NADK: variants seen among roughly 807,000 people sequenced by gnomAD.
NADK encodes poly(P)/ATP NAD kinase.
In NADK, 22 loss-of-function variants were observed where a neutral mutation model predicts 49.8. The observed-to-expected ratio is 0.44, with a 90% CI of 0.32 to 0.63. The LOEUF is 0.63. NADK is among the 30% of genes least tolerant of loss of function. NADK has a pLI of 0.06. For synonymous variants in NADK, 268 were observed against 253.7 expected (o/e 1.06, Z -0.54); for missense variants, 438 against 609.4 (o/e 0.72, Z 2.96).
rs186911121 is a variant in NADK, at chr1:1,754,963, G to A, written c.689-265C>T. On this transcript the variant is annotated intron_variant, in intron 7 of 11. Transcript: ENST00000341426. This position sits in a 1 kb window ranked among gnomAD's most constrained non-coding sequence, Gnocchi z 4.3. ...CAGCCTCCCAAGTAGCTGGAACTAC[G>A]GGTGCGCACCACCACGCCCAGCTAA... 2.8e-3 allele frequency: 1,277 copies of A among 457,060 alleles called. 11 individuals carry two copies. Among genetic ancestry groups the A allele is most frequent in the African/African-American group, 0.022 (1,108 of 49,646 alleles). The allele number at this position is 457,060 out of a possible 1,614,324, so 28.3% of individuals were successfully genotyped here.
chr1:1,758,797 G>C (rs899573016), intron 3 of NADK, among the ~76,000 whole-genome samples: 1 of 152,174 alleles, frequency 6.6e-6, no homozygotes, highest in Non-Finnish European at 1.5e-5. Context: ...TAACTGAGCC[G>C]GGTGGGACCA....
chr1:1,774,921 G>C (rs1646167449), intron 1 of NADK, among the ~76,000 whole-genome samples: 1 of 151,892 alleles, frequency 6.6e-6, no homozygotes, highest in East Asian at 1.9e-4. Flanking sequence ...GCCTGGCCAA[G>C]ATGGTGAAAC....
chr1:1,759,858 G>GCA, intron 3 of NADK: 1 of 1,550,800 alleles, frequency 6.4e-7, no homozygotes, highest in Non-Finnish European at 8.7e-7. Context: ...GTGACTGACG[G>GCA]CTGGTGAAGG....
intron 1 of NADK, among the ~76,000 whole-genome samples, chr1:1,766,847 TCCTCCCAACTCAG>T (rs1267416154): frequency 6.6e-6 from 1 of 151,736 alleles, no homozygotes; most frequent in African/African-American, 2.4e-5. Context: ...CCTCAAGTGA[TCCTCCCAACTCAG>T]CCTCCCAACA....
chr1:1,769,734 A>T (rs1431919216), intron 1 of NADK, among the ~76,000 whole-genome samples: 1 of 140,106 alleles, frequency 7.1e-6, no homozygotes, highest in South Asian at 2.2e-4. Flanking sequence ...TCTCAAATGA[A>T]AAGAAAAAAA....
At chr1:1,770,072 A>G (rs1192990510) in intron 1 of NADK, among the ~76,000 whole-genome samples, 1 of 152,044 alleles carries the variant, frequency 6.6e-6, no homozygotes, top group Non-Finnish European at 1.5e-5. Flanking sequence ...GAGGCTGAGG[A>G]AGGAGAACAG....
rs745822244 is a variant in NADK, at chr1:1,753,579, C to T, written c.1172G>A (p.Arg391His). 5.0e-6 allele frequency: 8 copies of T among 1,612,492 alleles called. No individual in the cohort carries two copies. Among genetic ancestry groups the T allele is most frequent in the African/African-American group, 4.0e-5 (3 of 75,032 alleles). Residue 391 changes from arginine to histidine, a missense_variant, in exon 11 of 12, where the codon CGC becomes CAC. By Grantham distance (29) the Arg-to-His change is conservative (BLOSUM62 0). Coordinates refer to ENST00000341426, the MANE Select transcript of NADK (RefSeq NM_023018.5). ...SFDGRKRQEIRHGDSISITTS... is the reference protein window; with the variant it reads ...SFDGRKRQEIHHGDSISITTS... ...ATGCAGCCCACACCTGTCTCCATGG[C>T]GGATCTCTTGTCTCTTCCGTCCATC...
intron 2 of NADK, among the ~76,000 whole-genome samples, chr1:1,763,617 T>C (rs1465753992): frequency 8.9e-5 from 3 of 33,730 alleles, no homozygotes; most frequent in Non-Finnish European, 2.7e-4. Flanking sequence ...AGACTCCATC[T>C]CAAAAAAAAA....
At chr1:1,770,619 C>T (rs1283828442) in intron 1 of NADK, among the ~76,000 whole-genome samples, 1 of 152,092 alleles carries the variant, frequency 6.6e-6, no homozygotes, top group African/African-American at 2.4e-5. Context: ...GTAGTCCCAG[C>T]TACTCAAGAG....
chr1:1,757,786 C>T (rs78804397), intron 3 of NADK, among the ~76,000 whole-genome samples: 1,894 of 152,254 alleles, frequency 0.012, 12 homozygotes, highest in Middle Eastern at 0.051. Context: ...TCTGGCCCCA[C>T]GGGAGCCCAG....
At chr1:1,758,360 C>G (rs781684786) in intron 3 of NADK, 8 of 1,607,484 alleles carry the variant, frequency 5.0e-6, no homozygotes, top group Non-Finnish European at 6.8e-6. Context: ...CTGGTCAGCA[C>G]TCACCCTGTG....
chr1:1,762,757 CAAAAT>C (rs3044679), intron 2 of NADK, among the ~76,000 whole-genome samples: 2,044 of 135,636 alleles, frequency 0.015, 45 homozygotes, highest in African/African-American at 0.052. Context: ...AACTCTGTCT[CAAAAT>C]GAATGAATGA....
chr1:1,765,325 C>G lies in NADK; in HGVS notation c.82G>C (p.Gly28Arg), dbSNP rs373135938. The G allele has an allele frequency of 1.2e-6, 2 of 1,613,580 alleles. No homozygotes were observed. The highest frequency in any genetic ancestry group is 1.7e-5 in the Admixed American group (1 of 60,008). The change falls in exon 2 of 12, where the codon GGC (glycine) becomes CGC (arginine). Residue 28 changes from glycine to arginine, a missense_variant. Gly to Arg is a moderately radical substitution (Grantham distance 125). Transcript: ENST00000341426. ...TGGTTGTAACTCCAGGTCTCATCGC[C>G]GTGGCAGGCCGAGCAGCAGTAAGCA... ...AAAYCCSACH[G>R]DETWSYNHPI...
intron 11 of NADK, 53 bp from the exon 12 acceptor site, chr1:1,753,113 C>G: frequency 6.4e-7 from 1 of 1,558,408 alleles, no homozygotes; most frequent in Non-Finnish European, 8.7e-7. Flanking sequence ...GGCCCACCCC[C>G]GGCCAAGAAC....
At chr1:1,759,992 G>C in intron 3 of NADK, 1 of 1,399,010 alleles carries the variant, frequency 7.1e-7, no homozygotes, top group Non-Finnish European at 9.8e-7. Flanking sequence ...CAGGATGGCG[G>C]GACAGAGCCA....
chr1:1,763,873 C>T (rs1029221775), intron 2 of NADK, among the ~76,000 whole-genome samples: 5 of 151,870 alleles, frequency 3.3e-5, no homozygotes, highest in African/African-American at 4.8e-5. Context: ...CAGAATGCAA[C>T]AGAAATGGTG....
At chr1:1,768,438 C>T (rs1227754739) in intron 1 of NADK, among the ~76,000 whole-genome samples, 1 of 152,130 alleles carries the variant, frequency 6.6e-6, no homozygotes, top group Non-Finnish European at 1.5e-5. Flanking sequence ...TGCCTGCAGT[C>T]CCAGGTACTT....
At position 1,754,155 on chromosome 1, in the gene NADK, C is replaced by A; in HGVS notation, c.997G>T (p.Ala333Ser). The change falls in exon 10 of 12, where the codon GCC (alanine) becomes TCC (serine). Residue 333 changes from alanine (A) to serine (S), a missense_variant. Ala to Ser is a moderately conservative substitution (Grantham distance 99). Coordinates refer to ENST00000341426, the MANE Select transcript of NADK (RefSeq NM_023018.5). The surrounding 1 kb of genome is among the most constrained non-coding windows in gnomAD (Gnocchi z 4.3). ...GSTAYAAAAG[A>S]SMIHPNVPAI... ...GGCACGTTGGGGTGGATCATGGAGG[C>A]CCCGGCCGCGGCCGCATACGCCGTG... 2 of 1,612,136 alleles carry A rather than the reference C, an allele frequency of 1.2e-6. No homozygotes were observed. Among genetic ancestry groups the A allele is most frequent in the Non-Finnish European group, 1.7e-6 (2 of 1,179,584 alleles).
At chr1:1,773,717 T>A (rs369873733) in intron 1 of NADK, among the ~76,000 whole-genome samples, 86,920 of 137,568 alleles carry the variant, frequency 0.63, 30,136 homozygotes, top group Non-Finnish European at 0.76. Context: ...TGTGTGTGTG[T>A]GTGTGTGTGT....
Sources: gnomAD v4.1 joint callset for allele counts (sites outside exome capture counted in the v4.1 genomes callset) on GRCh38, gnomAD v4.1.1 for gene constraint, Gnocchi (gnomAD v3.1) non-coding constraint, MANE v1.5 for transcripts, NCBI Gene and HGNC (gene_info 2026-07-23, HGNC 2026-07-21) for gene names.